The following GTF2F1 variants were observed in gnomAD, a reference collection of about 807,000 sequenced individuals.
GTF2F1 encodes the protein general transcription factor IIF 74 kDa subunit.
A neutral mutation model predicts 63.5 loss-of-function variants in GTF2F1; 39 were observed. The ratio of observed to expected loss-of-function variants is 0.61; its 90% CI spans 0.48 to 0.80. The LOEUF (loss-of-function observed/expected upper bound fraction) is 0.80. GTF2F1 is among the 30% of genes least tolerant of loss of function. The pLI is 0.00. For synonymous variants in GTF2F1, 287 were observed against 285.3 expected, an observed-to-expected ratio of 1.01 and a Z score of -0.06; for missense variants, 657 against 718.3, an observed-to-expected ratio of 0.91 and a Z score of 0.97.
At position 6,381,261 on chromosome 19, in the gene GTF2F1, C is replaced by T. The variant is rs2145072082; in HGVS notation, c.1019-66G>A. The T allele has an allele frequency of 6.4e-7, 1 of 1,560,986 alleles. No homozygotes were observed. Among genetic ancestry groups the T allele is most frequent in the East Asian group, 2.4e-5 (1 of 42,106 alleles). On this transcript the variant is annotated intron_variant, in intron 9 of 12. Coordinates refer to ENST00000394456, the MANE Select transcript of GTF2F1 (RefSeq NM_002096.3). The surrounding 1 kb of genome is among the most constrained non-coding windows in gnomAD (Gnocchi z 4.1). ...GGGACCCGGTGCCCACTGGTGCCTCCACTGCAGATGAGGGAGGCCTGCAGG... is the reference window on the plus strand; with the variant it reads ...GGGACCCGGTGCCCACTGGTGCCTCTACTGCAGATGAGGGAGGCCTGCAGG...
intron 5 of GTF2F1, among the ~76,000 whole-genome samples, chr19:6,384,413 G>A (rs1259948241): frequency 6.6e-6 from 1 of 151,850 alleles, no homozygotes. Flanking sequence ...GAGGCTGAGG[G>A]AGGAGAATCA....
At position 6,380,978 on chromosome 19, in the gene GTF2F1, C is replaced by T. The variant is rs775166072; in HGVS notation, c.1157G>A (p.Arg386His). The T allele has an allele frequency of 2.5e-5, 40 of 1,605,068 alleles. No homozygotes were observed. Among genetic ancestry groups the T allele is most frequent in the South Asian group, 5.6e-5 (5 of 89,652 alleles). ...ACCCTCTGCGCTGGGCGTGCCTGGG[C>T]GGCTGTTGCCCCTTGAGCTCCCTCC... Reference protein sequence around the residue: ...PSGGSSRGNSRPGTPSAEGGS... With the variant: ...PSGGSSRGNSHPGTPSAEGGS... The change falls in exon 11 of 13, where the codon CGC (arginine) becomes CAC (histidine). Residue 386 changes from arginine to histidine, a missense_variant. Physicochemically the swap from Arg to His is conservative, Grantham distance 29. This residue lies in a region of GTF2F1 where 602 missense variants were observed against 625.6 expected (regional missense o/e 0.96). Coordinates refer to ENST00000394456, the MANE Select transcript of GTF2F1 (RefSeq NM_002096.3). This position sits in a 1 kb window ranked among gnomAD's most constrained non-coding sequence, Gnocchi z 5.3.
intron 4 of GTF2F1, 84 bp from the exon 5 acceptor site, chr19:6,387,643 G>C: frequency 9.6e-7 from 1 of 1,046,872 alleles, no homozygotes; most frequent in Non-Finnish European, 1.4e-6. Context: ...CTCCTTTATG[G>C]CACTTGCCAT....
intron 4 of GTF2F1, 124 bp from the exon 5 acceptor site, chr19:6,387,683 C>A (rs2091979108): frequency 2.9e-6 from 2 of 687,968 alleles, no homozygotes; most frequent in East Asian, 2.7e-5. Flanking sequence ...GCCCATGAGG[C>A]CTGGGCAGGC....
intron 3 of GTF2F1, among the ~76,000 whole-genome samples, chr19:6,390,006 C>A (rs1345400617): frequency 6.6e-6 from 1 of 152,142 alleles, no homozygotes; most frequent in Non-Finnish European, 1.5e-5. Flanking sequence ...GGATTCTTTT[C>A]AAAAAATGTC....
At chr19:6,390,549 A>G (rs1418496860) in intron 3 of GTF2F1, 2 of 123,464 alleles carry the variant, frequency 1.6e-5, no homozygotes, top group Non-Finnish European at 3.2e-5. Flanking sequence ...TCAGTCCCCA[A>G]AAAAAAAAAA....
Position 6,381,778 on chromosome 19 carries a change from C to T in GTF2F1, c.755G>A (p.Gly252Asp). The T allele has an allele frequency of 6.2e-7, 1 of 1,614,106 alleles. No individual in the cohort carries two copies. ...KGGRKKKKKKGSDDEAFEDSD... is the reference protein window; with the variant it reads ...KGGRKKKKKKDSDDEAFEDSD... ...GTCCTCGAAGGCCTCGTCGTCTGAA[C>T]CCTTCTTCTTCTTCTTTTTCCTGCC... is the stretch of plus-strand genomic sequence containing the variant. Residue 252 changes from glycine to aspartate, a missense_variant, in exon 7 of 13, where the codon GGT (glycine) becomes GAT (aspartate). Physicochemically the swap from Gly to Asp is moderately conservative, Grantham distance 94. Around this residue, in one of 2 missense-constraint regions of GTF2F1, gnomAD observed 602 missense variants for 625.6 expected, o/e 0.96. Transcript: ENST00000394456. The surrounding 1 kb of genome is among the most constrained non-coding windows in gnomAD (Gnocchi z 4.1).
chr19:6,379,940 G>C lies in GTF2F1; in HGVS notation c.*341C>G. On this transcript the variant is annotated 3_prime_UTR_variant, in exon 13 of 13. Coordinates refer to ENST00000394456, the MANE Select transcript of GTF2F1 (RefSeq NM_002096.3). ...TAAGTCACAGCTGAAGAGAGACTTA[G>C]GGAAGTGGAAGGGAGAACTGTAGAA... The C allele has an allele frequency of 2.7e-6, 1 of 371,618 alleles. No homozygotes were observed. The allele number at this position is 371,618 out of a possible 1,614,324, so 23.0% of individuals were successfully genotyped here. A position where few individuals can be genotyped will look rare whatever the true frequency, so the allele number is the denominator to read the frequency against.
At chr19:6,392,753 G>A (rs2092005754) in intron 2 of GTF2F1, 104 bp downstream of exon 2, 1 of 1,150,858 alleles carries the variant, frequency 8.7e-7, no homozygotes, top group Non-Finnish European at 1.3e-6. Context: ...TCCCGGTCTG[G>A]AGGGAGAACC....
rs1170182827 is a variant in GTF2F1 at position 6,389,469 on chromosome 19, G to A, written c.301C>T (p.Arg101Trp). ...FRPEDQPWLLRVNGKSGRKFK... is the reference protein window; with the variant it reads ...FRPEDQPWLLWVNGKSGRKFK... ...TTCCTGCCTGATTTGCCGTTGACCC[G>A]GAGCAGCCAGGGCTGGTCCTCGGGC... Residue 101 changes from arginine (R) to tryptophan (W), a missense_variant, in exon 4 of 13, where the codon CGG becomes TGG. By Grantham distance (101) the Arg-to-Trp change is moderately radical. This residue lies in a region of GTF2F1 where 602 missense variants were observed against 625.6 expected (regional missense o/e 0.96). Transcript: ENST00000394456. The A allele has an allele frequency of 7.4e-6, 12 of 1,613,814 alleles. No homozygotes were observed. In the Admixed American group the frequency reaches 8.3e-5, roughly 11 times the overall value.
intron 5 of GTF2F1, chr19:6,387,159 A>G (rs1568330966): frequency 3.9e-6 from 2 of 515,942 alleles, no homozygotes; most frequent in South Asian, 2.6e-5. Flanking sequence ...TGCCAATTTG[A>G]GCTCCGGGTC....
rs137872285 is a variant in GTF2F1, at chr19:6,387,298, C to T, written c.497+91G>A. The T allele has an allele frequency of 1.5e-3, 1,926 of 1,306,930 alleles. 3 individuals carry two copies. The highest frequency in any genetic ancestry group is 1.9e-3 in the Non-Finnish European group (1,787 of 927,750). The allele number at this position is 1,306,930 out of a possible 1,614,324, so 81.0% of individuals were successfully genotyped here. A position where few individuals can be genotyped will look rare whatever the true frequency, so the allele number is the denominator to read the frequency against. ...GTCTGCCCTGGTTACCCCTGAGTCC[C>T]CAGCTCCCAGCACAGGGCCTGGTGA... On this transcript the variant is annotated intron_variant, in intron 5 of 12. Coordinates refer to ENST00000394456, the MANE Select transcript of GTF2F1 (RefSeq NM_002096.3).
intron 5 of GTF2F1, among the ~76,000 whole-genome samples, chr19:6,384,563 C>G (rs1187709269): frequency 6.6e-6 from 1 of 151,938 alleles, no homozygotes; most frequent in African/African-American, 2.4e-5. Flanking sequence ...GGGCAAGGCC[C>G]AGGCTGGTGT....
At chr19:6,390,769 A>T (rs1249564870) in intron 3 of GTF2F1, among the ~76,000 whole-genome samples, 1 of 151,474 alleles carries the variant, frequency 6.6e-6, no homozygotes, top group East Asian at 1.9e-4. Context: ...AATCCCAGCT[A>T]CTTGGGAGGC....
chr19:6,380,162 T>A lies in GTF2F1; in HGVS notation c.*119A>T. 1.1e-6 allele frequency: 1 copy of A among 884,102 alleles called. No individual in the cohort carries two copies. The highest frequency in any genetic ancestry group is 2.4e-5 in the East Asian group (1 of 41,364). 54.8% of individuals were successfully genotyped at this position (884,102 alleles called of 1,614,324 possible). On this transcript the variant is annotated 3_prime_UTR_variant, in exon 13 of 13. Transcript: ENST00000394456. This position sits in a 1 kb window ranked among gnomAD's most constrained non-coding sequence, Gnocchi z 5.3. Reference sequence around the variant, plus strand: ...AGCAAGCAGGATGTCGAAGGGTCACTGAGAGCCTGAAGTTCTGGAGGGCAG... The same window carrying A: ...AGCAAGCAGGATGTCGAAGGGTCACAGAGAGCCTGAAGTTCTGGAGGGCAG...
intron 5 of GTF2F1, among the ~76,000 whole-genome samples, chr19:6,384,647 C>T (rs1568330302): frequency 6.6e-6 from 1 of 150,782 alleles, no homozygotes; most frequent in African/African-American, 2.4e-5. Context: ...AAAACAGTGA[C>T]AGTTTGGTGC....
In GTF2F1 at chr19:6,383,233, G is replaced by A; in HGVS notation, c.682+78C>T. 1 of 1,458,162 alleles carries A rather than the reference G, an allele frequency of 6.9e-7. No individual in the cohort carries two copies. Among genetic ancestry groups the A allele is most frequent in the Non-Finnish European group, 9.5e-7 (1 of 1,055,740 alleles). 90.3% of individuals were successfully genotyped at this position (1,458,162 alleles called of 1,614,324 possible). Reference sequence around the variant, plus strand: ...GCCTCTCATTCTAGGGCCACTGTGAGCGATGGTAGACTTTGCCTTCACTGG... The same window carrying A: ...GCCTCTCATTCTAGGGCCACTGTGAACGATGGTAGACTTTGCCTTCACTGG... On this transcript the variant is annotated intron_variant, in intron 6 of 12. Transcript: ENST00000394456. This position sits in a 1 kb window ranked among gnomAD's most constrained non-coding sequence, Gnocchi z 4.5.
Position 6,388,716 on chromosome 19 carries a change from G to C in GTF2F1, c.326+728C>G, listed in dbSNP as rs147890125. ...TAATCCCAGCACTTTGGGAGACCAA[G>C]GTAGGAGGATCACTTGACCCCAGGA... On this transcript the variant is annotated intron_variant, in intron 4 of 12. Transcript: ENST00000394456. 8.9e-3 allele frequency among the ~76,000 whole-genome samples: 1,349 copies of C among 152,278 alleles called. 7 individuals are homozygous for C. The highest frequency in any genetic ancestry group is 0.013 in the Non-Finnish European group (858 of 68,026).
Position 6,387,442 on chromosome 19 carries a change from C to T in GTF2F1, c.444G>A (p.Pro148=), listed in dbSNP as rs142325615. 378 of 1,614,242 alleles carry T rather than the reference C, an allele frequency of 2.3e-4. 3 individuals carry two copies. Among genetic ancestry groups the T allele is most frequent in the Non-Finnish European group, 1.4e-4 (160 of 1,180,024 alleles). ...CAGTGAGCGTGCGATGCCGGGCCAG[C>T]GGTGTGAAATTGTACCAGTTGTGCA... ...FPVHNWYNFT[P]LARHRTLTAE... Residue 148 remains proline, a synonymous_variant, in exon 5 of 13, where the codon CCG becomes CCA. Transcript: ENST00000394456.
Sources: gnomAD v4.1 joint callset for allele counts (sites outside exome capture counted in the v4.1 genomes callset) on GRCh38, gnomAD v4.1.1 for gene constraint, gnomAD v4.1.1 regional missense constraint, Gnocchi (gnomAD v3.1) non-coding constraint, MANE v1.5 for transcripts, NCBI Gene and HGNC (gene_info 2026-07-23, HGNC 2026-07-21) for gene names.